The following WDR19 variants were observed in gnomAD, a reference collection of about 807,000 sequenced individuals.
WDR19 encodes the protein WD repeat domain 19.
Under a neutral mutation model 180.0 loss-of-function variants are expected in WDR19, and 121 were observed. That is an observed-to-expected ratio of 0.67 (90% CI 0.58 to 0.78). WDR19 has a LOEUF of 0.78. Among genes scored for constraint, WDR19 ranks in the 30% least tolerant of loss-of-function variants. WDR19 has a pLI of 0.00. For synonymous variants in WDR19, 497 were observed against 540.7 expected, an observed-to-expected ratio of 0.92 and a Z score of 1.12; for missense variants, 1,450 against 1,640.7, an observed-to-expected ratio of 0.88 and a Z score of 2.01.
intron 28 of WDR19, among the ~76,000 whole-genome samples, chr4:39,265,030 T>A (rs1007254396): frequency 6.6e-6 from 1 of 151,266 alleles, no homozygotes; most frequent in African/African-American, 2.4e-5. Context: ...CCGATTCTCA[T>A]GCCTCAGCCT....
intron 3 of WDR19, among the ~76,000 whole-genome samples, chr4:39,187,419 CAAAAAAAA>C (rs71192832): frequency 1.6e-5 from 1 of 63,582 alleles, no homozygotes; most frequent in Admixed American, 1.8e-4. Context: ...GACTCCATCT[CAAAAAAAA>C]AAAAAAAAAA....
At chr4:39,232,302 G>A (rs916847495) in intron 19 of WDR19, 30 bp downstream of exon 19, 8 of 1,560,334 alleles carry the variant, frequency 5.1e-6, no homozygotes, top group African/African-American at 1.4e-5. Flanking sequence ...TGGAAATTGT[G>A]TAAGAGGTAT....
chr4:39,220,201 C>G (rs2109337187), intron 14 of WDR19, among the ~76,000 whole-genome samples: 1 of 152,192 alleles, frequency 6.6e-6, no homozygotes, highest in Non-Finnish European at 1.5e-5. Context: ...GCCTGGGTGA[C>G]AGAGCAAGAC....
intron 5 of WDR19, among the ~76,000 whole-genome samples, chr4:39,196,420 A>G (rs1464249151): frequency 6.6e-6 from 1 of 152,166 alleles, no homozygotes; most frequent in Non-Finnish European, 1.5e-5. Flanking sequence ...CATTGTTGGC[A>G]TTCCATTCTT....
chr4:39,186,393 C>T (rs573933040), intron 2 of WDR19, 146 bp from the exon 3 acceptor site: 205 of 435,634 alleles, frequency 4.7e-4, no homozygotes, highest in African/African-American at 4.1e-3. Context: ...GCAGGGGAAT[C>T]GCTTGAACCT....
intron 36 of WDR19, among the ~76,000 whole-genome samples, chr4:39,281,948 C>G (rs951750847): frequency 1.3e-5 from 2 of 152,164 alleles, no homozygotes; most frequent in Non-Finnish European, 2.9e-5. Flanking sequence ...TGACCCTCCC[C>G]ACAACATGAA....
intron 20 of WDR19, among the ~76,000 whole-genome samples, 196 bp downstream of exon 20, chr4:39,235,071 G>A (rs1731245573): frequency 6.6e-6 from 1 of 151,968 alleles, no homozygotes; most frequent in African/African-American, 2.4e-5. Context: ...TAAGTTTTCA[G>A]CATCAAAATC....
intron 7 of WDR19, among the ~76,000 whole-genome samples, chr4:39,204,621 A>G (rs149288945): frequency 8.0e-4 from 122 of 152,356 alleles, no homozygotes; most frequent in African/African-American, 2.8e-3. Flanking sequence ...ACATAATTAC[A>G]TCCTCCACTG....
chr4:39,230,527 CATAATA>C (rs1560516572), intron 17 of WDR19, among the ~76,000 whole-genome samples: 1 of 152,080 alleles, frequency 6.6e-6, no homozygotes, highest in African/African-American at 2.4e-5. Flanking sequence ...ATAAAGGAGA[CATAATA>C]ATAATACTTA....
chr4:39,249,604 T>C (rs915363699), intron 24 of WDR19, among the ~76,000 whole-genome samples: 7 of 152,064 alleles, frequency 4.6e-5, no homozygotes, highest in Admixed American at 2.6e-4. Flanking sequence ...CTAGCAAGGC[T>C]AATAAAGAAC....
In WDR19 at chr4:39,217,123, A is replaced by C. The variant is rs1729146173; in HGVS notation, c.1250-11A>C. ...ACATTTTAATGTGTTGGTTTTTAAA[A>C]ATTGCTACAGCTGTGAAAAAATTGA... is the stretch of plus-strand genomic sequence containing the variant. On this transcript the variant is annotated splice_polypyrimidine_tract_variant and intron_variant, in intron 12 of 36. Transcript: ENST00000399820. 6.3e-7 allele frequency: 1 copy of C among 1,582,050 alleles called. No homozygotes were observed. The highest frequency in any genetic ancestry group is 2.3e-5 in the East Asian group (1 of 44,148).
chr4:39,281,205 A>ATATGTGTGTGTGTGTGTG (rs1553919960), intron 36 of WDR19, among the ~76,000 whole-genome samples: 1 of 110,468 alleles, frequency 9.1e-6, no homozygotes, highest in Non-Finnish European at 1.7e-5. Flanking sequence ...CTAAATATAT[A>ATATGTGTGTGTGTGTGTG]TGTGTGTGTG....
At chr4:39,283,455 ATT>A (rs539485345) in intron 36 of WDR19, among the ~76,000 whole-genome samples, 8 of 149,524 alleles carry the variant, frequency 5.4e-5, no homozygotes, top group Non-Finnish European at 1.2e-4. Flanking sequence ...CTTGTTTTTT[ATT>A]TGTCCTATCC....
At chr4:39,198,928 G>T (rs1727075194) in intron 5 of WDR19, among the ~76,000 whole-genome samples, 1 of 151,260 alleles carries the variant, frequency 6.6e-6, no homozygotes, top group East Asian at 1.9e-4. Flanking sequence ...AACCTGGGAG[G>T]CAAAGGTTGC....
chr4:39,273,108 C>A, intron 32 of WDR19, 47 bp downstream of exon 32: 2 of 1,440,772 alleles, frequency 1.4e-6, no homozygotes, highest in Non-Finnish European at 1.9e-6. Context: ...ATGCCCCATG[C>A]CGCATGCTAG....
intron 28 of WDR19, among the ~76,000 whole-genome samples, chr4:39,263,849 G>A (rs901188820): frequency 1.2e-4 from 18 of 151,788 alleles, no homozygotes; most frequent in African/African-American, 3.4e-4. Context: ...ACTTGAACCC[G>A]GGAGGTGGAG....
intron 1 of WDR19, among the ~76,000 whole-genome samples, chr4:39,183,559 A>G (rs2109734681): frequency 6.6e-6 from 1 of 152,280 alleles, no homozygotes; most frequent in East Asian, 1.9e-4. Flanking sequence ...GGAAGGCTCA[A>G]TTTTAAAATT....
intron 17 of WDR19, among the ~76,000 whole-genome samples, chr4:39,230,386 C>T: frequency 6.6e-6 from 1 of 152,160 alleles, no homozygotes; most frequent in East Asian, 1.9e-4. Context: ...GGCAGTCCTG[C>T]TTGGGGTCTT....
At chr4:39,221,881 A>G (rs936055525) in intron 14 of WDR19, among the ~76,000 whole-genome samples, 1 of 152,184 alleles carries the variant, frequency 6.6e-6, no homozygotes, top group African/African-American at 2.4e-5. Context: ...GTAGTAGTCT[A>G]TAGTATGTAT....
Sources: allele counts gnomAD v4.1 joint callset (sites outside exome capture counted in the v4.1 genomes callset), GRCh38; gene constraint gnomAD v4.1.1; transcripts MANE v1.5; gene names NCBI Gene and HGNC (gene_info 2026-07-23, HGNC 2026-07-21).